EXT1: variants seen among roughly 807,000 people sequenced by gnomAD.
EXT1 encodes exostosin-1.
EXT1 carries 20 observed loss-of-function variants against 82.5 expected under a neutral mutation model. The observed-to-expected ratio is 0.24, with a 90% CI of 0.17 to 0.35. The LOEUF (loss-of-function observed/expected upper bound fraction) is 0.35, where lower values mean the gene tolerates loss of function less well. Ranked by LOEUF, EXT1 falls within the 10% of genes least tolerant of loss-of-function variation. The probability of loss-of-function intolerance (pLI) is 1.00; values close to 1 mark genes in which losing one functional copy is unlikely to be tolerated. For missense variants in EXT1, 757 were observed against 936.5 expected, an observed-to-expected ratio of 0.81 and a Z score of 2.50; for synonymous variants, 348 against 350.8, an observed-to-expected ratio of 0.99 and a Z score of 0.09.
intron 1 of EXT1, among the ~76,000 whole-genome samples, chr8:117,914,748 C>CA (rs1449924692): frequency 1.3e-5 from 2 of 152,176 alleles, no homozygotes; most frequent in African/African-American, 4.8e-5. Flanking sequence ...AATTTGTGGT[C>CA]AGACCGGTTC....
intron 1 of EXT1, among the ~76,000 whole-genome samples, chr8:118,098,770 A>G (rs2130016742): frequency 6.6e-6 from 1 of 151,920 alleles, no homozygotes; most frequent in Middle Eastern, 3.4e-3. Flanking sequence ...AAAAAAAAAA[A>G]AAAAAGAATA....
At chr8:117,975,393 G>A (rs1487386814) in intron 1 of EXT1, among the ~76,000 whole-genome samples, 2 of 151,922 alleles carry the variant, frequency 1.3e-5, no homozygotes. Context: ...CCCCTAAATT[G>A]ACTACTAGAT....
chr8:117,860,217 G>A (rs913746311), intron 1 of EXT1, among the ~76,000 whole-genome samples: 1 of 151,358 alleles, frequency 6.6e-6, no homozygotes, highest in African/African-American at 2.4e-5. Flanking sequence ...GGGTGGAACT[G>A]GAGGCCATTA....
intron 1 of EXT1, among the ~76,000 whole-genome samples, chr8:118,093,286 AAAAAG>A (rs1817555140): frequency 6.6e-6 from 1 of 151,186 alleles, no homozygotes; most frequent in Non-Finnish European, 1.5e-5. Context: ...AAAAAAAAAA[AAAAAG>A]ATTTGAAATT....
chr8:118,034,615 C>T (rs1042355931), intron 1 of EXT1, among the ~76,000 whole-genome samples: 21 of 151,996 alleles, frequency 1.4e-4, no homozygotes, highest in African/African-American at 4.8e-4. Context: ...CATCTGAAGT[C>T]ACAGAGCTTC....
At chr8:117,950,249 T>TA (rs1206069844) in intron 1 of EXT1, among the ~76,000 whole-genome samples, 4 of 151,858 alleles carry the variant, frequency 2.6e-5, no homozygotes, top group Non-Finnish European at 4.4e-5. Flanking sequence ...ACAAACAAAA[T>TA]AAATAAAATA....
intron 1 of EXT1, among the ~76,000 whole-genome samples, chr8:118,079,728 T>C (rs1176219082): frequency 2.4e-5 from 3 of 127,452 alleles, no homozygotes; most frequent in East Asian, 5.2e-4. Context: ...TCAAGTTGAA[T>C]AGCCCCGGAT....
chr8:118,009,416 GA>G (rs1278797643), intron 1 of EXT1, among the ~76,000 whole-genome samples: 6 of 152,214 alleles, frequency 3.9e-5, no homozygotes, highest in African/African-American at 1.4e-4. Context: ...TCCACAGAGG[GA>G]AAGTTGAGAA....
intron 1 of EXT1, among the ~76,000 whole-genome samples, chr8:117,878,295 A>G (rs1425298249): frequency 6.6e-6 from 1 of 152,226 alleles, no homozygotes; most frequent in Non-Finnish European, 1.5e-5. Context: ...AAACAAATAC[A>G]TATTCAACCT....
chr8:117,991,652 C>A (rs1815437527), intron 1 of EXT1, among the ~76,000 whole-genome samples: 1 of 152,174 alleles, frequency 6.6e-6, no homozygotes, highest in Admixed American at 6.5e-5. Context: ...ACCTCCACCT[C>A]CCGGGCTCAA....
intron 1 of EXT1, among the ~76,000 whole-genome samples, chr8:118,071,995 GTTCAC>G (rs1817103244): frequency 6.6e-6 from 1 of 152,016 alleles, no homozygotes; most frequent in South Asian, 2.1e-4. Context: ...GAAAATCTAG[GTTCAC>G]TTCCCAGAAT....
intron 1 of EXT1, among the ~76,000 whole-genome samples, chr8:118,084,942 T>C (rs957985619): frequency 6.6e-6 from 1 of 152,248 alleles, no homozygotes; most frequent in Admixed American, 6.5e-5. Context: ...ATGACAGATA[T>C]TCGGGCTGGG....
intron 1 of EXT1, among the ~76,000 whole-genome samples, chr8:118,089,080 A>G (rs1335176479): frequency 6.6e-6 from 1 of 152,190 alleles, no homozygotes; most frequent in Non-Finnish European, 1.5e-5. Flanking sequence ...TGGAAAAAAT[A>G]AATTGTATGT....
rs1172524351 is a variant in EXT1 at position 117,799,252 on chromosome 8, T to G, written c.*460A>C. 5.3e-6 allele frequency: 1 copy of G among 188,040 alleles called. No homozygotes were observed. The highest frequency in any genetic ancestry group is 5.5e-5 in the Admixed American group (1 of 18,206). The allele number at this position is 188,040 out of a possible 1,614,324, so 11.6% of individuals were successfully genotyped here. On this transcript the variant is annotated 3_prime_UTR_variant, in exon 11 of 11. Transcript: ENST00000378204. The stretch of plus-strand genomic sequence containing the variant: ...TGATAATGGGTAGAGTGACTTATTG[T>G]GTTTTCCACGAAGTTTGAGCTTTTG...
chr8:118,028,815 G>T (rs1020821833), intron 1 of EXT1, among the ~76,000 whole-genome samples: 1 of 152,040 alleles, frequency 6.6e-6, no homozygotes, highest in South Asian at 2.1e-4. Context: ...CCAGCTACTC[G>T]GAAGGCTGAG....
At chr8:117,834,010 A>C (rs1470060786) in intron 3 of EXT1, among the ~76,000 whole-genome samples, 2 of 151,958 alleles carry the variant, frequency 1.3e-5, no homozygotes, top group East Asian at 3.9e-4. Flanking sequence ...TTTCACAAAA[A>C]CTCCAGACCC....
chr8:117,890,083 A>G (rs1211147945), intron 1 of EXT1, among the ~76,000 whole-genome samples: 1 of 152,238 alleles, frequency 6.6e-6, no homozygotes, highest in Non-Finnish European at 1.5e-5. Flanking sequence ...CATGCAATAC[A>G]TACTGTCTAT....
At chr8:117,903,787 G>C (rs917806817) in intron 1 of EXT1, among the ~76,000 whole-genome samples, 4 of 152,138 alleles carry the variant, frequency 2.6e-5, no homozygotes, top group African/African-American at 9.7e-5. Context: ...ACATGTTAGT[G>C]TTACTGGGTT....
chr8:118,004,076 T>C (rs1024520957), intron 1 of EXT1, among the ~76,000 whole-genome samples: 12 of 152,198 alleles, frequency 7.9e-5, no homozygotes, highest in Admixed American at 3.3e-4. Context: ...ATAGAAATAG[T>C]TGGACACACA....
Sources: gnomAD v4.1 joint callset for allele counts (sites outside exome capture counted in the v4.1 genomes callset) on GRCh38, gnomAD v4.1.1 for gene constraint, MANE v1.5 for transcripts, NCBI Gene and HGNC (gene_info 2026-07-23, HGNC 2026-07-21) for gene names.